The following CDC14A variants were observed in gnomAD, a reference collection of about 807,000 sequenced individuals.
CDC14A encodes dual specificity protein phosphatase CDC14A.
Under a neutral mutation model 74.4 loss-of-function variants are expected in CDC14A, and 53 were observed. That is an observed-to-expected ratio of 0.71 (90% CI 0.57 to 0.89). The LOEUF (loss-of-function observed/expected upper bound fraction) is 0.89, where lower values mean the gene tolerates loss of function less well. Among genes scored for constraint, CDC14A ranks in the 40% least tolerant of loss-of-function variants. The probability of loss-of-function intolerance (pLI) is 0.00; values close to 1 mark genes in which losing one functional copy is unlikely to be tolerated. For missense variants in CDC14A, 646 were observed against 713.7 expected (o/e 0.91, Z 1.08); for synonymous variants, 247 against 258.4 (o/e 0.96, Z 0.43).
At chr1:100,405,828 T>C (rs1659868449) in intron 4 of CDC14A, among the ~76,000 whole-genome samples, 1 of 152,242 alleles carries the variant, frequency 6.6e-6, no homozygotes, top group Admixed American at 6.5e-5. Flanking sequence ...TGAATAGTGC[T>C]GCAGTGAACA....
chr1:100,459,946 T>C (rs1039279126), intron 8 of CDC14A, among the ~76,000 whole-genome samples: 2 of 152,240 alleles, frequency 1.3e-5, no homozygotes, highest in African/African-American at 4.8e-5. Flanking sequence ...GTTCATATCA[T>C]GTTCTCTTAT....
At chr1:100,431,271 T>A (rs1182070460) in intron 5 of CDC14A, among the ~76,000 whole-genome samples, 2 of 152,154 alleles carry the variant, frequency 1.3e-5, no homozygotes, top group Non-Finnish European at 2.9e-5. Context: ...TTTGGTGATT[T>A]GTGTTGCGAA....
chr1:100,441,485 A>G (rs1258518842), intron 6 of CDC14A, among the ~76,000 whole-genome samples: 1 of 152,156 alleles, frequency 6.6e-6, no homozygotes. Context: ...ATTTTAATGT[A>G]TTGGCATTGT....
intron 5 of CDC14A, among the ~76,000 whole-genome samples, chr1:100,432,100 T>C (rs1663758742): frequency 6.6e-6 from 1 of 152,166 alleles, no homozygotes; most frequent in Admixed American, 6.5e-5. Context: ...TTCTGTTTTT[T>C]TGTTGTTGTT....
At chr1:100,365,352 T>C (rs751343017) in intron 2 of CDC14A, among the ~76,000 whole-genome samples, 10 of 152,332 alleles carry the variant, frequency 6.6e-5, no homozygotes, top group Non-Finnish European at 1.2e-4. Context: ...ATAGGGCAAG[T>C]AGACCTTGAG....
rs1011165221 is a variant in CDC14A, at chr1:100,518,411, A to G, written c.*131A>G. 6 of 714,088 alleles carry G rather than the reference A, an allele frequency of 8.4e-6. No homozygotes were observed. In the African/African-American group the frequency reaches 1.1e-4, roughly 13 times the overall value. 44.2% of individuals were successfully genotyped at this position (714,088 alleles called of 1,614,324 possible). On this transcript the variant is annotated 3_prime_UTR_variant, in exon 16 of 16. Coordinates refer to ENST00000336454, the MANE Select transcript of CDC14A (RefSeq NM_003672.4). ...CTTCTTACCTTAAATTAAAAAGAGC[A>G]CTAAGATAACACCTTCAAGAGACTT... is the stretch of plus-strand genomic sequence containing the variant.
intron 4 of CDC14A, among the ~76,000 whole-genome samples, chr1:100,409,170 A>G (rs1660339661): frequency 6.7e-6 from 1 of 150,322 alleles, no homozygotes; most frequent in African/African-American, 2.5e-5. Context: ...GAACTTGTGC[A>G]GGGAAACTCT....
chr1:100,492,748 A>C (rs192898282), intron 11 of CDC14A, among the ~76,000 whole-genome samples: 22 of 152,210 alleles, frequency 1.4e-4, no homozygotes, highest in African/African-American at 5.3e-4. Flanking sequence ...AAATTTTTTC[A>C]AAATTTCAAC....
intron 6 of CDC14A, 47 bp from the exon 7 acceptor site, chr1:100,442,887 A>C (rs370425970): frequency 1.7e-6 from 2 of 1,206,424 alleles, no homozygotes; most frequent in African/African-American, 3.0e-5. Flanking sequence ...TGATGAGTAG[A>C]GTTTATCAAT....
In CDC14A at chr1:100,442,980, A is replaced by T; in HGVS notation, c.503A>T (p.Glu168Val). The T allele has an allele frequency of 6.3e-7, 1 of 1,596,452 alleles. No homozygotes were observed. Among genetic ancestry groups the T allele is most frequent in the Non-Finnish European group, 8.6e-7 (1 of 1,164,758 alleles). Residue 168 changes from glutamate (E) to valine (V), a missense_variant, in exon 7 of 16, where the codon GAA becomes GTA. By Grantham distance (121) the Glu-to-Val change is moderately radical. Coordinates refer to ENST00000336454, the MANE Select transcript of CDC14A (RefSeq NM_003672.4). ...GACTTTGAGACATTTGATGTGGATG[A>T]ATATGAACATTATGAGGTTTGTACA... ...FFDFETFDVD[E>V]YEHYERVENG...
intron 2 of CDC14A, among the ~76,000 whole-genome samples, chr1:100,366,207 T>A (rs1267056763): frequency 6.6e-6 from 1 of 152,172 alleles, no homozygotes; most frequent in Non-Finnish European, 1.5e-5. Flanking sequence ...ATAGAATTTA[T>A]TCATCCTGTT....
At chr1:100,453,350 A>G (rs868730995) in intron 7 of CDC14A, among the ~76,000 whole-genome samples, 2 of 152,176 alleles carry the variant, frequency 1.3e-5, no homozygotes, top group African/African-American at 4.8e-5. Flanking sequence ...AGAAATAGTG[A>G]CCGTAGAAAC....
chr1:100,391,022 A>C (rs1310102292), intron 4 of CDC14A, 198 bp downstream of exon 4: 1 of 614,192 alleles, frequency 1.6e-6, no homozygotes, highest in East Asian at 3.0e-5. Flanking sequence ...TCTACTAGTT[A>C]ATGAGAGAAT....
At chr1:100,515,863 T>C (rs1475692372) in intron 15 of CDC14A, among the ~76,000 whole-genome samples, 1 of 152,266 alleles carries the variant, frequency 6.6e-6, no homozygotes, top group African/African-American at 2.4e-5. Context: ...TTTGGTATTG[T>C]ATTTTTATCC....
intron 4 of CDC14A, among the ~76,000 whole-genome samples, chr1:100,421,178 T>A (rs1445556007): frequency 6.6e-6 from 1 of 152,126 alleles, no homozygotes; most frequent in African/African-American, 2.4e-5. Flanking sequence ...CTGGTTTGGG[T>A]TTATATATGT....
At chr1:100,404,190 C>T (rs1033470243) in intron 4 of CDC14A, among the ~76,000 whole-genome samples, 11 of 133,636 alleles carry the variant, frequency 8.2e-5, no homozygotes, top group Non-Finnish European at 1.6e-4. Context: ...GACTCCGTCT[C>T]AAAAAAAAAA....
intron 3 of CDC14A, among the ~76,000 whole-genome samples, chr1:100,384,917 G>A (rs1656635550): frequency 6.6e-6 from 1 of 152,114 alleles, no homozygotes; most frequent in Non-Finnish European, 1.5e-5. Context: ...CAGATTCTTG[G>A]CACCTGAGAA....
intron 4 of CDC14A, among the ~76,000 whole-genome samples, chr1:100,399,936 G>A (rs1251387918): frequency 6.6e-6 from 1 of 151,912 alleles, no homozygotes; most frequent in African/African-American, 2.4e-5. Flanking sequence ...ATGCCCATCA[G>A]TCCAAGTTTC....
intron 4 of CDC14A, among the ~76,000 whole-genome samples, chr1:100,409,669 C>A (rs1306777452): frequency 1.3e-5 from 2 of 152,198 alleles, no homozygotes; most frequent in Non-Finnish European, 2.9e-5. Flanking sequence ...CCAAAGTGAT[C>A]TCCTTTGATT....
Sources: allele counts gnomAD v4.1 joint callset (sites outside exome capture counted in the v4.1 genomes callset), GRCh38; gene constraint gnomAD v4.1.1; transcripts MANE v1.5; gene names NCBI Gene and HGNC (gene_info 2026-07-23, HGNC 2026-07-21).